KNTC1: variants seen among roughly 807,000 people sequenced by gnomAD.
KNTC1 encodes the protein kinetochore-associated protein 1.
A neutral mutation model predicts 314.4 loss-of-function variants in KNTC1; 253 were observed. That is an observed-to-expected ratio of 0.80 (90% CI 0.73 to 0.89). KNTC1 has a LOEUF of 0.89. Ranked by LOEUF, KNTC1 falls within the 40% of genes least tolerant of loss-of-function variation. KNTC1 has a pLI of 0.00. For missense variants in KNTC1, 2,475 were observed against 2,572.9 expected, an observed-to-expected ratio of 0.96 and a Z score of 0.82; for synonymous variants, 901 against 901.4, an observed-to-expected ratio of 1.00 and a Z score of 0.01.
chr12:122,598,087 CAGTT>C (rs1450504314), intron 44 of KNTC1, 149 bp downstream of exon 44: 1 of 668,652 alleles, frequency 1.5e-6, no homozygotes, highest in Non-Finnish European at 2.5e-6. Context: ...ATTTTTAACA[CAGTT>C]AAATACAATT....
In KNTC1 at chr12:122,602,829, C is replaced by G; in HGVS notation, c.4826C>G (p.Ser1609Cys). The G allele has an allele frequency of 6.2e-7, 1 of 1,612,864 alleles. No individual in the cohort carries two copies. Among genetic ancestry groups the G allele is most frequent in the African/African-American group, 1.3e-5 (1 of 74,988 alleles). Residue 1609 changes from serine to cysteine, a missense_variant and splice_region_variant, in exon 47 of 64, where the codon TCT (serine) becomes TGT (cysteine). Transcript: ENST00000333479. Reference protein sequence around the residue: ...GTAQNFWKILSTELSEESFPT... With the variant: ...GTAQNFWKILCTELSEESFPT... ...CGTACTTTCCTTGTTTCCTTTCTAG[C>G]TACAGAACTCAGTGAAGAATCTTTC...
chr12:122,610,982 G>T, intron 53 of KNTC1, 82 bp downstream of exon 53: 2 of 962,460 alleles, frequency 2.1e-6, no homozygotes, highest in South Asian at 2.7e-5. Flanking sequence ...ATGCTTGATT[G>T]CATTAACAGA....
At chr12:122,554,861 G>GA (rs1399524351) in intron 16 of KNTC1, among the ~76,000 whole-genome samples, 2 of 152,182 alleles carry the variant, frequency 1.3e-5, no homozygotes, top group Non-Finnish European at 1.5e-5. Context: ...AGTAGACTTA[G>GA]AAAATTGGTT....
At chr12:122,619,063 G>GT (rs1269471308) in intron 59 of KNTC1, among the ~76,000 whole-genome samples, 7 of 143,650 alleles carry the variant, frequency 4.9e-5, no homozygotes, top group African/African-American at 7.7e-5. Context: ...TTTTTGTTTT[G>GT]TTTTTTGTTT....
At chr12:122,590,789 G>C (rs372846441) in intron 41 of KNTC1, 54 bp downstream of exon 41, 13 of 1,546,478 alleles carry the variant, frequency 8.4e-6, no homozygotes, top group African/African-American at 8.2e-5. Flanking sequence ...GATTGGGGGG[G>C]AGAAATGAAG....
intron 12 of KNTC1, among the ~76,000 whole-genome samples, chr12:122,549,046 G>A (rs1395411871): frequency 2.0e-5 from 3 of 152,088 alleles, no homozygotes; most frequent in African/African-American, 7.2e-5. Context: ...GCTTTGTACT[G>A]TGTGTTTTAT....
At chr12:122,547,320 A>C in intron 10 of KNTC1, 95 bp from the exon 11 acceptor site, 2 of 668,220 alleles carry the variant, frequency 3.0e-6, no homozygotes, top group Non-Finnish European at 5.2e-6. Flanking sequence ...GGTTGCAGTG[A>C]GCCGAGATCG....
At position 122,614,565 on chromosome 12, in the gene KNTC1, C is replaced by T. The variant is rs1008157592; in HGVS notation, c.5878-426C>T. ...CTTTCATTAGAAAGATGGGGGTCTT[C>T]GATAGACATTCACAGATTAGAAGCA... On this transcript the variant is annotated intron_variant, in intron 55 of 63. Coordinates refer to ENST00000333479, the MANE Select transcript of KNTC1 (RefSeq NM_014708.6). 4.6e-5 allele frequency among the ~76,000 whole-genome samples: 7 copies of T among 151,994 alleles called. No homozygotes were observed. In the South Asian group the frequency reaches 6.2e-4, roughly 14 times the overall value.
At chr12:122,580,516 C>T (rs148740843) in intron 32 of KNTC1, 87 bp from the exon 33 acceptor site, 309 of 776,824 alleles carry the variant, frequency 4.0e-4, no homozygotes, top group Admixed American at 7.0e-4. Context: ...ATGAGAGAAC[C>T]AAAGCTAATT....
intron 35 of KNTC1, 136 bp from the exon 36 acceptor site, chr12:122,584,757 G>A: frequency 1.7e-6 from 1 of 581,134 alleles, no homozygotes; most frequent in Non-Finnish European, 2.9e-6. Flanking sequence ...TTTTAGGGTA[G>A]TCAAAGCTAT....
chr12:122,611,128 A>G (rs531586703), intron 53 of KNTC1: 2 of 509,858 alleles, frequency 3.9e-6, no homozygotes, highest in Admixed American at 7.0e-5. Flanking sequence ...GCACCTATTG[A>G]CAGTTTCCAC....
chr12:122,575,840 A>C lies in KNTC1; in HGVS notation c.2527A>C (p.Lys843Gln), dbSNP rs776428677. The change falls in exon 29 of 64, where the codon AAA (lysine) becomes CAA (glutamine). Residue 843 changes from lysine (K) to glutamine (Q), a missense_variant. Physicochemically the swap from Lys to Gln is moderately conservative, Grantham distance 53. Transcript: ENST00000333479. ...LQESYKLMEM[K>Q]KLLRGYGIRE... ...GGAAAGTTACAAACTAATGGAGATG[A>C]AAAAACTTTTACGAGGCTATGGAAT... is the stretch of plus-strand genomic sequence containing the variant. 6.2e-7 allele frequency: 1 copy of C among 1,613,644 alleles called. No homozygotes were observed. The highest frequency in any genetic ancestry group is 8.5e-7 in the Non-Finnish European group (1 of 1,179,766).
At chr12:122,584,230 A>G (rs1488699816) in intron 34 of KNTC1, 48 bp from the exon 35 acceptor site, 14 of 1,371,926 alleles carry the variant, frequency 1.0e-5, no homozygotes, top group Non-Finnish European at 1.3e-5. Context: ...CCATGCGTTC[A>G]CTTTCAATGT....
intron 29 of KNTC1, among the ~76,000 whole-genome samples, chr12:122,576,544 GGTGGCAT>G (rs1965035441): frequency 6.6e-6 from 1 of 152,146 alleles, no homozygotes; most frequent in South Asian, 2.1e-4. Context: ...AGCAGGGTGT[GGTGGCAT>G]GTGCCTGTAG....
intron 21 of KNTC1, 99 bp downstream of exon 21, chr12:122,568,471 G>A: frequency 1.3e-6 from 1 of 759,838 alleles, no homozygotes; most frequent in Non-Finnish European, 2.4e-6. Context: ...CTGACTGGGT[G>A]ATGGGATGTT....
chr12:122,594,339 G>A lies in KNTC1; in HGVS notation c.4309G>A (p.Val1437Met). Residue 1437 changes from valine to methionine, a missense_variant, in exon 43 of 64, where the codon GTG becomes ATG. Physicochemically the swap from Val to Met is conservative, Grantham distance 21 (BLOSUM62 1). Transcript: ENST00000333479. ...LTKKDLIKAL[V>M]ENIDMDTSLI... ...CAAGAAAGACCTCATTAAAGCTCTT[G>A]TGGAGAATATAGATATGGACACAAG... is the stretch of plus-strand genomic sequence containing the variant. 6.2e-7 allele frequency: 1 copy of A among 1,610,254 alleles called. No individual in the cohort carries two copies. Among genetic ancestry groups the A allele is most frequent in the Non-Finnish European group, 8.5e-7 (1 of 1,176,812 alleles).
intron 53 of KNTC1, 91 bp from the exon 54 acceptor site, chr12:122,613,021 A>G: frequency 1.4e-5 from 10 of 728,018 alleles, no homozygotes; most frequent in Admixed American, 1.1e-4. Flanking sequence ...TTTTAAAATA[A>G]TGACGTTGTT....
At chr12:122,534,821 G>T (rs1961658594) in intron 3 of KNTC1, 37 bp downstream of exon 3, 1 of 1,592,530 alleles carries the variant, frequency 6.3e-7, no homozygotes, top group South Asian at 1.1e-5. Flanking sequence ...AGATAAATTG[G>T]AAGTCAAATA....
chr12:122,618,117 A>G (rs994094184), intron 57 of KNTC1, among the ~76,000 whole-genome samples: 3 of 152,240 alleles, frequency 2.0e-5, no homozygotes, highest in Non-Finnish European at 4.4e-5. Context: ...GATTACAAGC[A>G]TGCACCACCA....
Sources: allele counts gnomAD v4.1 joint callset (sites outside exome capture counted in the v4.1 genomes callset), GRCh38; gene constraint gnomAD v4.1.1; transcripts MANE v1.5; gene names NCBI Gene and HGNC (gene_info 2026-07-23, HGNC 2026-07-21).